The following NSMCE4A variants were observed in gnomAD, a reference collection of about 807,000 sequenced individuals.
NSMCE4A encodes the protein NSE4A component of SMC5/6 complex.
In NSMCE4A, 40 loss-of-function variants were observed where a neutral mutation model predicts 47.9. That is an observed-to-expected ratio of 0.83 (90% CI 0.65 to 1.09). The LOEUF (loss-of-function observed/expected upper bound fraction) is 1.09. Ranked by LOEUF, NSMCE4A falls within the 50% of genes least tolerant of loss-of-function variation. The pLI, the probability that NSMCE4A is intolerant of heterozygous loss-of-function variation, is 0.00. For missense variants in NSMCE4A, 500 were observed against 507.0 expected, an observed-to-expected ratio of 0.99 and a Z score of 0.13; for synonymous variants, 166 against 178.5, an observed-to-expected ratio of 0.93 and a Z score of 0.56.
intron 3 of NSMCE4A, among the ~76,000 whole-genome samples, chr10:121,969,104 G>A (rs1226416740): frequency 6.6e-6 from 1 of 152,202 alleles, no homozygotes; most frequent in African/African-American, 2.4e-5. Context: ...CAGCACTTTG[G>A]GAAGTCCAGG....
At chr10:121,973,617 G>A (rs554178649) in intron 2 of NSMCE4A, among the ~76,000 whole-genome samples, 1 of 152,300 alleles carries the variant, frequency 6.6e-6, no homozygotes, top group South Asian at 2.1e-4. Flanking sequence ...AGGCAAAACA[G>A]AATGGGACAG....
At chr10:121,965,020 C>A (rs957862874) in intron 5 of NSMCE4A, among the ~76,000 whole-genome samples, 2 of 152,108 alleles carry the variant, frequency 1.3e-5, no homozygotes, top group African/African-American at 4.8e-5. Context: ...GCTCCCCAAA[C>A]CAACATTATC....
At chr10:121,974,528 A>G in intron 1 of NSMCE4A, 2 of 1,009,238 alleles carry the variant, frequency 2.0e-6, no homozygotes, top group Non-Finnish European at 1.2e-6. Context: ...CGAGGCCGGG[A>G]GCCCACGCCG....
Position 121,974,968 on chromosome 10 carries a change from C to G in NSMCE4A, c.198G>C (p.Glu66Asp). 1 of 1,528,220 alleles carries G rather than the reference C, an allele frequency of 6.5e-7. No homozygotes were observed. 94.7% of individuals were successfully genotyped at this position (1,528,220 alleles called of 1,614,324 possible). ...CCTCCAAGCTGGCCGGGTCCATCATCTCGTCCCCGGAATCCGACGGCTCTG... is the reference window on the plus strand; with the variant it reads ...CCTCCAAGCTGGCCGGGTCCATCATGTCGTCCCCGGAATCCGACGGCTCTG... The part of the protein sequence containing the change: ...EDTEPSDSGD[E>D]MMDPASLEAE... The change falls in exon 1 of 11, where the codon GAG (glutamate) becomes GAC (aspartate). Residue 66 changes from glutamate (E) to aspartate (D), a missense_variant. Transcript: ENST00000369023.
Position 121,971,102 on chromosome 10 carries a change from C to G in NSMCE4A, c.371-33G>C, listed in dbSNP as rs377573738. On this transcript the variant is annotated intron_variant, in intron 2 of 10. Transcript: ENST00000369023. The stretch of plus-strand genomic sequence containing the variant: ...AAAAAGAAAGAAAATATTCACATTA[C>G]AAAATACACATTATCCATAGACTTT... 39 of 1,584,578 alleles carry G rather than the reference C, an allele frequency of 2.5e-5. No individual in the cohort carries two copies. In the African/African-American group the frequency reaches 4.9e-4, roughly 20 times the overall value.
In NSMCE4A at chr10:121,974,999, TC is replaced by T; in HGVS notation, c.166del (p.Glu56ArgfsTer12). On this transcript the variant is annotated frameshift_variant, in exon 1 of 11. Coordinates refer to ENST00000369023, the MANE Select transcript of NSMCE4A (RefSeq NM_017615.3). LOFTEE classifies it high-confidence loss of function. ...CCCGGAATCCGACGGCTCTGTGTCC[TC>T]CAGGCTCGGGCGCTCTGGGGCCTCT... is the stretch of plus-strand genomic sequence containing the variant. The part of the protein sequence containing the change: ...RREAPERPSL[E>X]DTEPSDSGDE... 6.6e-7 allele frequency: 1 copy of T among 1,513,556 alleles called. No homozygotes were observed. Among genetic ancestry groups the T allele is most frequent in the Admixed American group, 2.1e-5 (1 of 47,186 alleles). 93.8% of individuals were successfully genotyped at this position (1,513,556 alleles called of 1,614,324 possible). A position where few individuals can be genotyped will look rare whatever the true frequency, so the allele number is the denominator to read the frequency against.
intron 6 of NSMCE4A, 27 bp from the exon 7 acceptor site, chr10:121,961,544 T>A (rs776056639): frequency 6.9e-7 from 1 of 1,442,326 alleles, no homozygotes; most frequent in Non-Finnish European, 9.3e-7. Flanking sequence ...AAAAAAAAAT[T>A]GATTTTTGCT....
intron 2 of NSMCE4A, among the ~76,000 whole-genome samples, chr10:121,971,885 T>C (rs1952721179): frequency 6.6e-6 from 1 of 152,192 alleles, no homozygotes; most frequent in Admixed American, 6.5e-5. Flanking sequence ...TGCCTCTGTA[T>C]GGCTTCACAG....
At chr10:121,963,125 T>C in intron 6 of NSMCE4A, 113 bp downstream of exon 6, 1 of 472,510 alleles carries the variant, frequency 2.1e-6, no homozygotes, top group East Asian at 3.3e-5. Context: ...CCTCATAAAA[T>C]GCATATGTAT....
In NSMCE4A at chr10:121,967,754, T is replaced by C; in HGVS notation, c.554A>G (p.Glu185Gly). ...TATGAATTCAAAATCAGGACTATCT[T>C]CATCACGGATGAGTTCTTCAGCTTC... ...PLEAEELIRD[E>G]DSPDFEFIVY... The change falls in exon 4 of 11, where the codon GAA becomes GGA. Residue 185 changes from glutamate (E) to glycine (G), a missense_variant. Glu to Gly is a moderately conservative substitution (Grantham distance 98). Transcript: ENST00000369023. 2 of 1,614,166 alleles carry C rather than the reference T, an allele frequency of 1.2e-6. No individual in the cohort carries two copies. The highest frequency in any genetic ancestry group is 1.7e-6 in the Non-Finnish European group (2 of 1,180,016).
Position 121,959,487 on chromosome 10 carries a change from A to T in NSMCE4A, c.1083+14T>A. 6.2e-7 allele frequency: 1 copy of T among 1,613,108 alleles called. No homozygotes were observed. The highest frequency in any genetic ancestry group is 8.5e-7 in the Non-Finnish European group (1 of 1,179,024). ...AGAGTCAGAACTATGCAGGGGCAACAGGCAGAGCTTTACCTCCCAGTCACG... is the reference window on the plus strand; with the variant it reads ...AGAGTCAGAACTATGCAGGGGCAACTGGCAGAGCTTTACCTCCCAGTCACG... On this transcript the variant is annotated intron_variant, in intron 9 of 10. Transcript: ENST00000369023.
At chr10:121,971,653 T>G (rs1053605198) in intron 2 of NSMCE4A, among the ~76,000 whole-genome samples, 1 of 152,218 alleles carries the variant, frequency 6.6e-6, no homozygotes, top group Non-Finnish European at 1.5e-5. Context: ...ATAACTCCAG[T>G]TGAGCAAAAC....
At chr10:121,962,953 A>G (rs542923756) in intron 6 of NSMCE4A, among the ~76,000 whole-genome samples, 17 of 152,328 alleles carry the variant, frequency 1.1e-4, no homozygotes, top group African/African-American at 4.1e-4. Context: ...AAATATACAC[A>G]TTACATTTTA....
chr10:121,967,912 A>C, intron 3 of NSMCE4A, 106 bp from the exon 4 acceptor site: 10 of 1,131,316 alleles, frequency 8.8e-6, no homozygotes, highest in Non-Finnish European at 1.2e-5. Context: ...ACGCAAAGCC[A>C]GCTTTCAGTG....
At chr10:121,959,673 T>G in intron 8 of NSMCE4A, 78 bp from the exon 9 acceptor site, 1 of 924,358 alleles carries the variant, frequency 1.1e-6, no homozygotes, top group Non-Finnish European at 1.8e-6. Context: ...AACTGATGAA[T>G]AATAGCAATG....
Position 121,975,043 on chromosome 10 carries a change from G to A in NSMCE4A, c.123C>T (p.Gly41=). The change falls in exon 1 of 11, where the codon GGC becomes GGT. Residue 41 remains glycine (G), a synonymous_variant. Coordinates refer to ENST00000369023, the MANE Select transcript of NSMCE4A (RefSeq NM_017615.3). ...GGGCCTCTCTGCGCTCCCGCGCAGAGCCGCGGCGGGACCTGGGCGACAAAG... is the reference window on the plus strand; with the variant it reads ...GGGCCTCTCTGCGCTCCCGCGCAGAACCGCGGCGGGACCTGGGCGACAAAG... ...RSPLSPRSRR[G]SARERREAPE... The A allele has an allele frequency of 2.0e-6, 3 of 1,471,108 alleles. No homozygotes were observed. Among genetic ancestry groups the A allele is most frequent in the South Asian group, 1.3e-5 (1 of 76,388 alleles). The allele number at this position is 1,471,108 out of a possible 1,614,324, so 91.1% of individuals were successfully genotyped here.
At chr10:121,959,804 T>C (rs1952465931) in intron 8 of NSMCE4A, 2 of 579,220 alleles carry the variant, frequency 3.5e-6, no homozygotes, top group South Asian at 2.1e-5. Flanking sequence ...TCAAAAAACA[T>C]GTAGTAGAGT....
At chr10:121,961,686 T>C in intron 6 of NSMCE4A, 169 bp from the exon 7 acceptor site, 1 of 499,372 alleles carries the variant, frequency 2.0e-6, no homozygotes. Flanking sequence ...AAAACATGTA[T>C]GCCCACTGAC....
chr10:121,965,198 A>G (rs1952584084), intron 5 of NSMCE4A, 88 bp downstream of exon 5: 1 of 891,998 alleles, frequency 1.1e-6, no homozygotes, highest in South Asian at 1.6e-5. Context: ...CCGCACACTT[A>G]GAAAAAATGG....
Sources: allele counts gnomAD v4.1 joint callset (sites outside exome capture counted in the v4.1 genomes callset), GRCh38; gene constraint gnomAD v4.1.1; transcripts MANE v1.5; gene names NCBI Gene and HGNC (gene_info 2026-07-23, HGNC 2026-07-21).